The following CNTN5 variants were observed in gnomAD, a reference collection of about 807,000 sequenced individuals.
CNTN5 encodes the protein contactin-5.
CNTN5 carries 77 observed loss-of-function variants against 129.1 expected under a neutral mutation model. The observed-to-expected ratio is 0.60, with a 90% CI of 0.50 to 0.72. CNTN5 has a LOEUF of 0.72. Ranked by LOEUF, CNTN5 falls within the 30% of genes least tolerant of loss-of-function variation. The pLI, the probability that CNTN5 is intolerant of heterozygous loss-of-function variation, is 0.00. For missense variants in CNTN5, 1,478 were observed against 1,328.8 expected (o/e 1.11, Z -1.75); for synonymous variants, 509 against 465.6 (o/e 1.09, Z -1.20).
chr11:99,638,993 C>T (rs1951667664), intron 3 of CNTN5, among the ~76,000 whole-genome samples: 1 of 152,192 alleles, frequency 6.6e-6, no homozygotes, highest in Non-Finnish European at 1.5e-5. Flanking sequence ...TCTGTACTGC[C>T]CTAGAAGAGA....
chr11:100,104,121 GTCTT>G (rs1945331341), intron 13 of CNTN5, among the ~76,000 whole-genome samples: 1 of 142,700 alleles, frequency 7.0e-6, no homozygotes, highest in Non-Finnish European at 1.5e-5. Context: ...TTGAGGCAGA[GTCTT>G]TCTCTGTCAC....
intron 3 of CNTN5, among the ~76,000 whole-genome samples, chr11:99,708,876 T>C (rs970565973): frequency 2.6e-5 from 4 of 151,744 alleles, no homozygotes; most frequent in African/African-American, 9.7e-5. Context: ...TTGTCCATCC[T>C]CTCTTTCCCT....
chr11:99,253,847 T>A (rs1036800405), intron 1 of CNTN5, among the ~76,000 whole-genome samples: 2 of 150,066 alleles, frequency 1.3e-5, no homozygotes, highest in Non-Finnish European at 3.0e-5. Flanking sequence ...AGTTTATCTA[T>A]GGATCCTTCC....
At chr11:99,098,817 G>T (rs1202934338) in intron 1 of CNTN5, among the ~76,000 whole-genome samples, 2 of 152,022 alleles carry the variant, frequency 1.3e-5, no homozygotes, top group South Asian at 4.1e-4. Context: ...TTCCACAAGA[G>T]ATACTAATGG....
At chr11:100,341,849 A>G (rs1952168940) in intron 23 of CNTN5, among the ~76,000 whole-genome samples, 1 of 151,972 alleles carries the variant, frequency 6.6e-6, no homozygotes, top group African/African-American at 2.4e-5. Flanking sequence ...ATAATGTCAG[A>G]TTCTGTTTGT....
intron 3 of CNTN5, among the ~76,000 whole-genome samples, chr11:99,564,439 C>T (rs377355104): frequency 9.2e-5 from 14 of 152,076 alleles, no homozygotes; most frequent in African/African-American, 3.1e-4. Context: ...TCTCTGTATC[C>T]TCATTTTCAA....
chr11:100,185,030 A>T (rs979531998), intron 13 of CNTN5, among the ~76,000 whole-genome samples: 1 of 151,972 alleles, frequency 6.6e-6, no homozygotes, highest in African/African-American at 2.4e-5. Flanking sequence ...CCGCCATGTG[A>T]AGAAGGACAT....
intron 1 of CNTN5, among the ~76,000 whole-genome samples, chr11:99,180,694 C>T (rs1314283706): frequency 6.6e-6 from 1 of 152,122 alleles, no homozygotes; most frequent in African/African-American, 2.4e-5. Flanking sequence ...CAGTCGGCCT[C>T]CATCTGATAC....
At chr11:99,601,133 T>A (rs914398907) in intron 3 of CNTN5, among the ~76,000 whole-genome samples, 1 of 152,240 alleles carries the variant, frequency 6.6e-6, no homozygotes, top group East Asian at 1.9e-4. Flanking sequence ...ATTTGTTAAA[T>A]AAATTTCTGA....
At chr11:99,502,422 G>A (rs1332963191) in intron 2 of CNTN5, among the ~76,000 whole-genome samples, 1 of 152,086 alleles carries the variant, frequency 6.6e-6, no homozygotes, top group Non-Finnish European at 1.5e-5. Context: ...GGGGGTTGGG[G>A]GGGTGGTTTC....
At chr11:100,092,445 C>T (rs1291605059) in intron 13 of CNTN5, among the ~76,000 whole-genome samples, 1 of 152,112 alleles carries the variant, frequency 6.6e-6, no homozygotes, top group Non-Finnish European at 1.5e-5. Context: ...AATGTGTCTC[C>T]AGGGCTGTAC....
chr11:100,356,487 C>T lies in CNTN5; in HGVS notation c.*267C>T. 6.7e-6 allele frequency: 3 copies of T among 450,108 alleles called. No individual in the cohort carries two copies. The highest frequency in any genetic ancestry group is 7.9e-6 in the Non-Finnish European group (2 of 253,314). The allele number at this position is 450,108 out of a possible 1,614,324, so 27.9% of individuals were successfully genotyped here. A position where few individuals can be genotyped will look rare whatever the true frequency, so the allele number is the denominator to read the frequency against. The stretch of plus-strand genomic sequence containing the variant: ...GAATTTTTGTAAACAAAGGTAATTT[C>T]TGTCAAATGTATTCTTTACTTTTTT... On this transcript the variant is annotated 3_prime_UTR_variant, in exon 25 of 25. Coordinates refer to ENST00000524871, the MANE Select transcript of CNTN5 (RefSeq NM_014361.4).
intron 2 of CNTN5, among the ~76,000 whole-genome samples, chr11:99,473,809 A>G (rs1005375623): frequency 5.9e-5 from 9 of 151,952 alleles, no homozygotes; most frequent in African/African-American, 2.2e-4. Context: ...TATATTTAAA[A>G]TATAATATAT....
intron 7 of CNTN5, among the ~76,000 whole-genome samples, chr11:99,940,165 C>A (rs1310962841): frequency 6.6e-6 from 1 of 152,088 alleles, no homozygotes; most frequent in African/African-American, 2.4e-5. Context: ...AGAGGACAGT[C>A]TCTCATGACA....
intron 3 of CNTN5, among the ~76,000 whole-genome samples, chr11:99,577,405 T>A (rs116595788): frequency 6.6e-6 from 1 of 152,164 alleles, no homozygotes; most frequent in Non-Finnish European, 1.5e-5. Flanking sequence ...CTAGTGATTC[T>A]ACCAATGATT....
chr11:100,339,584 T>C (rs1952115605), intron 21 of CNTN5, among the ~76,000 whole-genome samples: 1 of 152,132 alleles, frequency 6.6e-6, no homozygotes, highest in Non-Finnish European at 1.5e-5. Context: ...AAAAAAGGAA[T>C]AGAAGTGCTC....
chr11:99,372,670 G>A (rs192160354), intron 2 of CNTN5, among the ~76,000 whole-genome samples: 8 of 152,022 alleles, frequency 5.3e-5, no homozygotes, highest in South Asian at 2.1e-4. Context: ...AGAATAGGAC[G>A]CACTTTTTTT....
chr11:99,970,614 A>T (rs1234051143), intron 8 of CNTN5, among the ~76,000 whole-genome samples: 1 of 152,222 alleles, frequency 6.6e-6, no homozygotes, highest in Admixed American at 6.5e-5. Context: ...AGTAAAGGTT[A>T]GCTATTAACA....
At chr11:99,398,941 T>C (rs1214039417) in intron 2 of CNTN5, among the ~76,000 whole-genome samples, 1 of 151,844 alleles carries the variant, frequency 6.6e-6, no homozygotes, top group Non-Finnish European at 1.5e-5. Flanking sequence ...TTCACCCCAC[T>C]TAACAAACTC....
Sources: allele counts gnomAD v4.1 joint callset (sites outside exome capture counted in the v4.1 genomes callset), GRCh38; gene constraint gnomAD v4.1.1; transcripts MANE v1.5; gene names NCBI Gene and HGNC (gene_info 2026-07-23, HGNC 2026-07-21).